RGMA: variants seen among roughly 807,000 people sequenced by gnomAD.
RGMA encodes the protein repulsive guidance molecule BMP co-receptor a.
RGMA carries 10 observed loss-of-function variants against 23.2 expected under a neutral mutation model. The ratio of observed to expected loss-of-function variants is 0.43; its 90% CI spans 0.27 to 0.73. RGMA has a LOEUF of 0.73. RGMA is among the 30% of genes least tolerant of loss of function. RGMA has a pLI of 0.20. For synonymous variants in RGMA, 308 were observed against 279.3 expected, an observed-to-expected ratio of 1.10 and a Z score of -1.03; for missense variants, 547 against 630.5, an observed-to-expected ratio of 0.87 and a Z score of 1.42.
intron 1 of RGMA, chr15:93,073,440 A>C: frequency 6.8e-6 from 6 of 887,876 alleles, no homozygotes; most frequent in Non-Finnish European, 9.8e-6. Context: ...TGTCCTTGCA[A>C]ACCAGGCCCA....
intron 3 of RGMA, among the ~76,000 whole-genome samples, chr15:93,051,552 C>T (rs1471227624): frequency 6.6e-6 from 1 of 151,028 alleles, no homozygotes; most frequent in African/African-American, 2.4e-5. Flanking sequence ...GTGTGTGTGG[C>T]TGCGGCCCCA....
intron 2 of RGMA, among the ~76,000 whole-genome samples, chr15:93,053,426 C>G (rs1372809130): frequency 6.6e-6 from 1 of 152,178 alleles, no homozygotes; most frequent in African/African-American, 2.4e-5. Context: ...AGGACACCAG[C>G]TGGGAGGTCC....
intron 3 of RGMA, among the ~76,000 whole-genome samples, chr15:93,047,209 C>T (rs1006867349): frequency 6.6e-6 from 1 of 152,148 alleles, no homozygotes; most frequent in Admixed American, 6.5e-5. Flanking sequence ...GTTTCCTCTG[C>T]CGTCCGCGTC....
chr15:93,071,049 G>T (rs756730442), intron 2 of RGMA, among the ~76,000 whole-genome samples: 20 of 152,196 alleles, frequency 1.3e-4, no homozygotes, highest in Non-Finnish European at 2.2e-4. Flanking sequence ...AAGTGCTGCA[G>T]CTTTAAGAGC....
intron 3 of RGMA, among the ~76,000 whole-genome samples, chr15:93,047,210 C>G (rs549915492): frequency 2.1e-4 from 32 of 152,258 alleles, no homozygotes; most frequent in African/African-American, 7.7e-4. Flanking sequence ...TTTCCTCTGC[C>G]GTCCGCGTCC....
At chr15:93,064,466 C>T (rs554307404) in intron 2 of RGMA, among the ~76,000 whole-genome samples, 2 of 152,236 alleles carry the variant, frequency 1.3e-5, no homozygotes, top group African/African-American at 4.8e-5. Context: ...TTTGAAGTGG[C>T]TTTTCTCCCT....
intron 1 of RGMA, among the ~76,000 whole-genome samples, chr15:93,084,890 G>A (rs2141850228): frequency 6.6e-6 from 1 of 152,272 alleles, no homozygotes; most frequent in Non-Finnish European, 1.5e-5. Context: ...TATGCACTGT[G>A]GCTGACAATA....
chr15:93,054,970 G>A (rs562307997), intron 2 of RGMA, among the ~76,000 whole-genome samples: 1 of 152,296 alleles, frequency 6.6e-6, no homozygotes, highest in African/African-American at 2.4e-5. Context: ...GAGTGTGGTG[G>A]GGGCGTGTAT....
At chr15:93,059,803 A>G (rs1358362318) in intron 2 of RGMA, among the ~76,000 whole-genome samples, 1 of 152,238 alleles carries the variant, frequency 6.6e-6, no homozygotes, top group African/African-American at 2.4e-5. Flanking sequence ...GTCACCTGCC[A>G]AAGAGATCTC....
chr15:93,064,201 GC>G (rs1284335250), intron 2 of RGMA, among the ~76,000 whole-genome samples: 1 of 152,232 alleles, frequency 6.6e-6, no homozygotes. Flanking sequence ...GGCAAGAGGA[GC>G]CCTAGGCTGG....
Position 93,040,973 on chromosome 15 carries a change from G to A in RGMA, c.*4025C>T, listed in dbSNP as rs528329735. 2.0e-5 allele frequency: 3 copies of A among 152,058 alleles called. No individual in the cohort carries two copies. The highest frequency in any genetic ancestry group is 4.4e-5 in the Non-Finnish European group (3 of 68,024). 9.4% of individuals were successfully genotyped at this position (152,058 alleles called of 1,614,324 possible). The stretch of plus-strand genomic sequence containing the variant: ...AATCTAAGGCTCAAAAAATCCCAAG[G>A]AGACCACACAGCTCGCGACGGGTTG... On this transcript the variant is annotated 3_prime_UTR_variant, in exon 4 of 4. Coordinates refer to ENST00000329082, the MANE Select transcript of RGMA (RefSeq NM_020211.3).
At chr15:93,084,549 G>A (rs1216126614) in intron 1 of RGMA, among the ~76,000 whole-genome samples, 1 of 151,754 alleles carries the variant, frequency 6.6e-6, no homozygotes, top group Non-Finnish European at 1.5e-5. Flanking sequence ...CTTGGTTCAC[G>A]GCAACCTCCG....
At chr15:93,060,412 C>T (rs1894918515) in intron 2 of RGMA, among the ~76,000 whole-genome samples, 2 of 152,374 alleles carry the variant, frequency 1.3e-5, no homozygotes, top group South Asian at 4.1e-4. Flanking sequence ...AGACAGTGCT[C>T]TGGCCCTGTC....
intron 1 of RGMA, among the ~76,000 whole-genome samples, chr15:93,084,001 G>A (rs1190443186): frequency 2.6e-5 from 4 of 152,186 alleles, no homozygotes; most frequent in Admixed American, 6.5e-5. Context: ...AAACTAAAAT[G>A]TAAATGAAAG....
At chr15:93,064,169 G>A (rs907476784) in intron 2 of RGMA, among the ~76,000 whole-genome samples, 1 of 79,216 alleles carries the variant, frequency 1.3e-5, no homozygotes. Flanking sequence ...CAGCTTCAGT[G>A]GGGGGGCTGA....
intron 2 of RGMA, chr15:93,066,519 C>A: frequency 2.0e-6 from 1 of 490,532 alleles, no homozygotes; most frequent in Admixed American, 2.5e-5. Context: ...GGCGACTCCG[C>A]CCCTGCCACC....
At chr15:93,047,219 C>T (rs1596079399) in intron 3 of RGMA, among the ~76,000 whole-genome samples, 1 of 152,154 alleles carries the variant, frequency 6.6e-6, no homozygotes, top group Admixed American at 6.5e-5. Context: ...CCGTCCGCGT[C>T]CTGGGTGGCG....
intron 2 of RGMA, chr15:93,066,663 C>A: frequency 2.4e-6 from 1 of 411,864 alleles, no homozygotes; most frequent in South Asian, 1.7e-5. Context: ...CCTGCCGGGT[C>A]CAGTACCGGC....
chr15:93,088,526 G>A (rs972098150), intron 1 of RGMA: 26 of 999,588 alleles, frequency 2.6e-5, no homozygotes, highest in East Asian at 1.0e-4. Context: ...AGCGGGAGGC[G>A]GGGGCCCGGG....
Sources: allele counts gnomAD v4.1 joint callset (sites outside exome capture counted in the v4.1 genomes callset), GRCh38; gene constraint gnomAD v4.1.1; transcripts MANE v1.5; gene names NCBI Gene and HGNC (gene_info 2026-07-23, HGNC 2026-07-21).